The following PHF20 variants were observed in gnomAD, a reference collection of about 807,000 sequenced individuals.
The protein encoded by PHF20 is glioma-expressed antigen 2.
In PHF20, 23 loss-of-function variants were observed where a neutral mutation model predicts 113.5. The ratio of observed to expected loss-of-function variants is 0.20; its 90% CI spans 0.15 to 0.29. PHF20 has a LOEUF of 0.29. Among genes scored for constraint, PHF20 ranks in the 10% least tolerant of loss-of-function variants. The probability of loss-of-function intolerance (pLI) is 1.00; values close to 1 mark genes in which losing one functional copy is unlikely to be tolerated. For missense variants in PHF20, 943 were observed against 1,219.6 expected (o/e 0.77, Z 3.38); for synonymous variants, 434 against 457.3 (o/e 0.95, Z 0.65).
intron 8 of PHF20, 54 bp downstream of exon 8, chr20:35,871,188 A>C (rs1215543740): frequency 1.5e-6 from 2 of 1,326,240 alleles, no homozygotes; most frequent in African/African-American, 1.5e-5. Context: ...ATTTAGTGAG[A>C]ATCAATGTAA....
chr20:35,836,616 G>A (rs957479885), intron 2 of PHF20, among the ~76,000 whole-genome samples: 2 of 151,500 alleles, frequency 1.3e-5, no homozygotes, highest in Non-Finnish European at 2.9e-5. Flanking sequence ...AGGCCGAGGC[G>A]GGCGGATCAC....
intron 4 of PHF20, among the ~76,000 whole-genome samples, chr20:35,847,832 C>CTT (rs1341416394): frequency 6.6e-6 from 1 of 152,106 alleles, no homozygotes; most frequent in African/African-American, 2.4e-5. Context: ...TGCAAGGTGA[C>CTT]TGAGGGTGGT....
chr20:35,785,516 C>T (rs1430152571), intron 1 of PHF20, among the ~76,000 whole-genome samples: 4 of 151,784 alleles, frequency 2.6e-5, no homozygotes, highest in Non-Finnish European at 5.9e-5. Context: ...GATGGGGTTT[C>T]ACCACGTTGG....
At chr20:35,792,973 A>G (rs1472643448) in intron 1 of PHF20, among the ~76,000 whole-genome samples, 2 of 152,168 alleles carry the variant, frequency 1.3e-5, no homozygotes, top group Non-Finnish European at 1.5e-5. Flanking sequence ...ATCTGAGTCT[A>G]AAACCTGTCT....
chr20:35,941,033 A>C lies in PHF20; in HGVS notation c.2882A>C (p.Glu961Ala). Residue 961 changes from glutamate to alanine, a missense_variant, in exon 17 of 18, where the codon GAG becomes GCG. Transcript: ENST00000374012. ...GTTACGCACAGGATGGACTCCATTG[A>C]GAAGGAGTTGGATGGTAGGGCTCCT... is the stretch of plus-strand genomic sequence containing the variant. ...DEVTHRMDSI[E>A]KELDVLESWL... The C allele has an allele frequency of 1.2e-6, 2 of 1,613,556 alleles. No individual in the cohort carries two copies. The highest frequency in any genetic ancestry group is 1.7e-6 in the Non-Finnish European group (2 of 1,179,658).
intron 15 of PHF20, among the ~76,000 whole-genome samples, chr20:35,934,557 G>C (rs990780149): frequency 6.6e-6 from 1 of 152,204 alleles, no homozygotes; most frequent in African/African-American, 2.4e-5. Flanking sequence ...CATTCTCTTG[G>C]GATACCCCCC....
chr20:35,867,473 C>G (rs1024501748), intron 6 of PHF20, among the ~76,000 whole-genome samples: 12 of 152,110 alleles, frequency 7.9e-5, no homozygotes, highest in Admixed American at 2.0e-4. Flanking sequence ...GTTGGCTATG[C>G]TAGTCTTGAA....
intron 1 of PHF20, among the ~76,000 whole-genome samples, chr20:35,778,702 G>A (rs1340956281): frequency 6.7e-6 from 1 of 150,058 alleles, no homozygotes; most frequent in African/African-American, 2.5e-5. Flanking sequence ...GCAGTGAGCC[G>A]AGATTACACC....
chr20:35,807,246 T>A (rs1403391239), intron 2 of PHF20, among the ~76,000 whole-genome samples: 1 of 152,208 alleles, frequency 6.6e-6, no homozygotes. Context: ...TGTTTTACTT[T>A]ATGAACTTTA....
At position 35,942,867 on chromosome 20, in the gene PHF20, G is replaced by A. The variant is rs186822722; in HGVS notation, c.2896+1820G>A. The stretch of plus-strand genomic sequence containing the variant: ...GAGATGGAGTCTCGCTCTGTTGCCC[G>A]GGCTGGAGTGCAGTGGTGCCATCTC... On this transcript the variant is annotated intron_variant, in intron 17 of 17. Transcript: ENST00000374012. 8.2e-3 allele frequency among the ~76,000 whole-genome samples: 1,238 copies of A among 150,974 alleles called. 18 individuals are homozygous for A. The highest frequency in any genetic ancestry group is 0.028 in the African/African-American group (1,165 of 41,138).
intron 10 of PHF20, among the ~76,000 whole-genome samples, chr20:35,904,189 G>A (rs1302204824): frequency 2.0e-5 from 3 of 151,396 alleles, no homozygotes; most frequent in Non-Finnish European, 4.4e-5. Flanking sequence ...TTGACATTCT[G>A]CTTAAGTGAA....
chr20:35,924,751 C>T (rs926483281), intron 13 of PHF20, among the ~76,000 whole-genome samples: 15 of 151,922 alleles, frequency 9.9e-5, no homozygotes, highest in African/African-American at 2.9e-4. Context: ...TACCACCACA[C>T]CTGGCTAATT....
intron 2 of PHF20, chr20:35,838,442 G>A (rs2042480145): frequency 6.6e-6 from 1 of 151,958 alleles, no homozygotes; most frequent in Admixed American, 6.6e-5. Flanking sequence ...TTTAAAAACA[G>A]GTATGACTGT....
intron 1 of PHF20, among the ~76,000 whole-genome samples, chr20:35,791,537 G>GTATA (rs59752864): frequency 0.048 from 6,047 of 127,148 alleles, 513 homozygotes; most frequent in African/African-American, 0.15. Flanking sequence ...TTAGAATAGT[G>GTATA]TATATATATA....
At chr20:35,893,221 C>T (rs6060670) in intron 9 of PHF20, among the ~76,000 whole-genome samples, 14,861 of 152,024 alleles carry the variant, frequency 0.098, 783 homozygotes, top group Middle Eastern at 0.16. Flanking sequence ...AAACTAAACT[C>T]GCTTGCTTTG....
intron 1 of PHF20, among the ~76,000 whole-genome samples, chr20:35,790,335 G>A (rs1448729246): frequency 2.6e-5 from 4 of 151,928 alleles, no homozygotes; most frequent in Non-Finnish European, 5.9e-5. Context: ...CCTGTAGGTG[G>A]GATTACAGGC....
chr20:35,882,862 A>C (rs151208095), intron 9 of PHF20, among the ~76,000 whole-genome samples: 340 of 152,154 alleles, frequency 2.2e-3, no homozygotes, highest in African/African-American at 7.7e-3. Context: ...CCCTGTTTCT[A>C]CTAAAAATAC....
chr20:35,925,102 G>T (rs187678968), intron 13 of PHF20, among the ~76,000 whole-genome samples: 3 of 151,608 alleles, frequency 2.0e-5, no homozygotes, highest in Non-Finnish European at 2.9e-5. Context: ...ATATTTGCTC[G>T]TACAATTCTA....
At chr20:35,900,481 G>A (rs2055073232) in intron 10 of PHF20, among the ~76,000 whole-genome samples, 2 of 152,224 alleles carry the variant, frequency 1.3e-5, no homozygotes, top group Middle Eastern at 3.4e-3. Context: ...CTGACCCTCC[G>A]AGGGGTCAAC....
Sources: allele counts gnomAD v4.1 joint callset (sites outside exome capture counted in the v4.1 genomes callset), GRCh38; gene constraint gnomAD v4.1.1; transcripts MANE v1.5; gene names NCBI Gene and HGNC (gene_info 2026-07-23, HGNC 2026-07-21).